NDRG3: variants seen among roughly 807,000 people sequenced by gnomAD.
NDRG3 encodes NDRG family member 3, also known as protein NDRG3.
A neutral mutation model predicts 57.2 loss-of-function variants in NDRG3; 23 were observed. That is an observed-to-expected ratio of 0.40 (90% confidence interval 0.29 to 0.57). NDRG3 has a LOEUF of 0.57. Ranked by LOEUF, NDRG3 falls within the 20% of genes least tolerant of loss-of-function variation. NDRG3 has a pLI of 0.42. For synonymous variants in NDRG3, 132 were observed against 162.6 expected, an observed-to-expected ratio of 0.81 and a Z score of 1.43; for missense variants, 384 against 457.3, an observed-to-expected ratio of 0.84 and a Z score of 1.46.
chr20:36,696,766 C>G (rs1239015779), intron 3 of NDRG3, among the ~76,000 whole-genome samples: 1 of 152,234 alleles, frequency 6.6e-6, no homozygotes, highest in African/African-American at 2.4e-5. Flanking sequence ...GCTGGGATTA[C>G]AGGCGTGAGC....
At chr20:36,672,962 C>G (rs1471203311) in intron 8 of NDRG3, among the ~76,000 whole-genome samples, 3 of 152,168 alleles carry the variant, frequency 2.0e-5, no homozygotes, top group Non-Finnish European at 2.9e-5. Context: ...CTCCCAGGCT[C>G]AAGCGATTTT....
chr20:36,735,672 T>C (rs565358468), intron 1 of NDRG3, among the ~76,000 whole-genome samples: 6 of 151,776 alleles, frequency 4.0e-5, no homozygotes, highest in Admixed American at 3.9e-4. Context: ...GACATACAGG[T>C]GAGGACATCA....
At chr20:36,733,171 A>AAATATATATATATAT (rs1555807709) in intron 1 of NDRG3, among the ~76,000 whole-genome samples, 1 of 33,228 alleles carries the variant, frequency 3.0e-5, no homozygotes, top group Non-Finnish European at 5.5e-5. Flanking sequence ...AAAAAAAAAA[A>AAATATATATATATAT]ATATATATAT....
chr20:36,731,541 G>T (rs1448577271), intron 1 of NDRG3, among the ~76,000 whole-genome samples: 2 of 152,034 alleles, frequency 1.3e-5, no homozygotes, highest in Non-Finnish European at 2.9e-5. Context: ...GGCGCGATGG[G>T]TCACACCCGT....
At chr20:36,745,823 C>T (rs1258470695) in intron 1 of NDRG3, among the ~76,000 whole-genome samples, 1 of 140,202 alleles carries the variant, frequency 7.1e-6, no homozygotes, top group East Asian at 2.5e-4. Context: ...CGCCGGCGGG[C>T]TGGGCGCGGG....
chr20:36,693,133 T>C (rs1463436574), intron 3 of NDRG3, among the ~76,000 whole-genome samples: 3 of 68,158 alleles, frequency 4.4e-5, no homozygotes, highest in South Asian at 5.1e-4. Flanking sequence ...TATATATATA[T>C]ATATATATAC....
intron 1 of NDRG3, among the ~76,000 whole-genome samples, chr20:36,727,332 G>A (rs1194231922): frequency 6.6e-6 from 1 of 151,970 alleles, no homozygotes; most frequent in African/African-American, 2.4e-5. Context: ...CGATTCTCCT[G>A]CCTCAGCCTC....
intron 7 of NDRG3, among the ~76,000 whole-genome samples, chr20:36,682,042 T>C (rs187466807): frequency 1.3e-3 from 197 of 152,294 alleles, no homozygotes; most frequent in Admixed American, 0.011. Context: ...ATATTCACGA[T>C]AGAAAATTTG....
At chr20:36,687,385 T>C (rs143977256) in intron 5 of NDRG3, 107 bp downstream of exon 5, 21,958 of 1,379,852 alleles carry the variant, frequency 0.016, 220 homozygotes, top group Non-Finnish European at 0.018. Flanking sequence ...GCATAACCTA[T>C]AGACGGTAAT....
intron 5 of NDRG3, 21 bp downstream of exon 5, chr20:36,687,471 A>G (rs1244499318): frequency 1.2e-6 from 2 of 1,610,736 alleles, no homozygotes; most frequent in East Asian, 2.2e-5. Flanking sequence ...CGTCTCCCAG[A>G]TGATCTTTTC....
chr20:36,703,462 A>G (rs201035715), intron 3 of NDRG3, among the ~76,000 whole-genome samples: 52 of 140,708 alleles, frequency 3.7e-4, no homozygotes, highest in Middle Eastern at 3.5e-3. Flanking sequence ...ATCTATCTAT[A>G]TGTGTGTGTG....
At chr20:36,674,595 C>CT (rs561643631) in intron 8 of NDRG3, among the ~76,000 whole-genome samples, 6,857 of 116,792 alleles carry the variant, frequency 0.059, 720 homozygotes, top group African/African-American at 0.2. Flanking sequence ...ATCAATAAAG[C>CT]TTTTTTTTTT....
rs896323550 is a variant in NDRG3, at chr20:36,740,931, T to C, written c.-49+5114A>G. Among the ~76,000 whole-genome samples the C allele has an allele frequency of 4.6e-5, 7 of 152,248 alleles. No homozygotes were observed. In the South Asian group the frequency reaches 1.5e-3, roughly 32 times the overall value. ...AGAAGGCCCTGAAACCTGGTAAATA[T>C]CCATAATCAAGCTAGCTAAGTTTTC... is the stretch of plus-strand genomic sequence containing the variant. On this transcript the variant is annotated intron_variant, in intron 1 of 15. Transcript: ENST00000349004.
chr20:36,724,168 G>C, intron 1 of NDRG3, among the ~76,000 whole-genome samples: 1 of 152,084 alleles, frequency 6.6e-6, no homozygotes, highest in East Asian at 1.9e-4. Context: ...GCCTATGTTA[G>C]AACAGACTAA....
chr20:36,740,585 G>A (rs1459318016), intron 1 of NDRG3, among the ~76,000 whole-genome samples: 1 of 152,104 alleles, frequency 6.6e-6, no homozygotes, highest in Non-Finnish European at 1.5e-5. Context: ...CTCGTGATCC[G>A]CCCGCCTCGG....
At chr20:36,722,307 AGAG>A (rs1460935794) in intron 1 of NDRG3, among the ~76,000 whole-genome samples, 1 of 152,206 alleles carries the variant, frequency 6.6e-6, no homozygotes, top group Non-Finnish European at 1.5e-5. Context: ...GCTGAGTGTC[AGAG>A]AAGAAGCTGA....
chr20:36,655,170 G>T (rs192320177), intron 15 of NDRG3, among the ~76,000 whole-genome samples: 4 of 152,334 alleles, frequency 2.6e-5, no homozygotes, highest in Admixed American at 2.0e-4. Context: ...GAGCCACAGG[G>T]CTGTGGGTGT....
chr20:36,725,345 C>T (rs945289597), intron 1 of NDRG3, among the ~76,000 whole-genome samples: 5 of 151,572 alleles, frequency 3.3e-5, no homozygotes, highest in African/African-American at 9.7e-5. Flanking sequence ...AATGGTGGCT[C>T]ACGCCTGTAA....
intron 15 of NDRG3, among the ~76,000 whole-genome samples, chr20:36,654,433 T>C (rs1978473968): frequency 6.6e-6 from 1 of 152,184 alleles, no homozygotes; most frequent in Non-Finnish European, 1.5e-5. Flanking sequence ...GGTGCTATCA[T>C]CTGCAGAGTT....
Sources: gnomAD v4.1 joint callset for allele counts (sites outside exome capture counted in the v4.1 genomes callset) on GRCh38, gnomAD v4.1.1 for gene constraint, MANE v1.5 for transcripts, NCBI Gene and HGNC (gene_info 2026-07-23, HGNC 2026-07-21) for gene names.